Variants in GPHN observed in about 807,000 individuals in gnomAD.
The protein encoded by GPHN is gephyrin.
Under a neutral mutation model 95.5 loss-of-function variants are expected in GPHN, and 17 were observed. The ratio of observed to expected loss-of-function variants is 0.18; its 90% CI spans 0.12 to 0.27. The LOEUF (loss-of-function observed/expected upper bound fraction) is 0.27. Ranked by LOEUF, GPHN falls within the 10% of genes least tolerant of loss-of-function variation. The probability of loss-of-function intolerance (pLI) is 1.00; values close to 1 mark genes in which losing one functional copy is unlikely to be tolerated. For synonymous variants in GPHN, 320 were observed against 322.5 expected (o/e 0.99, Z 0.08); for missense variants, 660 against 978.1 (o/e 0.67, Z 4.34).
chr14:67,665,725 C>T, the GPHN span, among the ~76,000 whole-genome samples: 1 of 152,164 alleles, frequency 6.6e-6, no homozygotes, highest in East Asian at 1.9e-4. Context: ...GTGGCTACTG[C>T]CTGAAAGGGC....
chr14:67,050,396 C>T (rs1017517758), intron 10 of GPHN, among the ~76,000 whole-genome samples: 2 of 152,072 alleles, frequency 1.3e-5, no homozygotes, highest in African/African-American at 2.4e-5. Context: ...TTAAATACCC[C>T]AAGTATTTAC....
At chr14:67,670,408 C>G in the GPHN span, among the ~76,000 whole-genome samples, 3 of 152,084 alleles carry the variant, frequency 2.0e-5, no homozygotes, top group Admixed American at 6.6e-5. Context: ...GTTGCCTCTT[C>G]GCATTTCCCA....
chr14:67,645,751 A>G, the GPHN span: 1 of 1,614,052 alleles, frequency 6.2e-7, no homozygotes, highest in Non-Finnish European at 8.5e-7. Flanking sequence ...CTTCATCAGG[A>G]AATCTCCATG....
chr14:66,632,561 C>T lies in GPHN; in HGVS notation c.65-48546C>T, dbSNP rs1043635914. ...CAGGCAGAGTGCAGTGGTGTGCTCT[C>T]GGCTCACTGCAACCTCCTCCTCCCA... On this transcript the variant is annotated intron_variant, in intron 1 of 22. Transcript: ENST00000478722. Among the ~76,000 whole-genome samples, 18 of 146,702 alleles carry T rather than the reference C, an allele frequency of 1.2e-4. No individual in the cohort carries two copies. The South Asian group carries it at 3.2e-3, about 26-fold the overall frequency.
the GPHN span, chr14:67,200,049 G>A: frequency 1.1e-6 from 1 of 937,042 alleles, no homozygotes; most frequent in Non-Finnish European, 1.6e-6. Context: ...CAGGCTCTGG[G>A]GGACAGCCAC....
At chr14:66,523,489 A>G (rs1381629801) in intron 1 of GPHN, among the ~76,000 whole-genome samples, 3 of 152,150 alleles carry the variant, frequency 2.0e-5, no homozygotes, top group African/African-American at 7.2e-5. Context: ...AAGCTGTTGT[A>G]AAATAAGACA....
chr14:67,550,280 C>T, the GPHN span, among the ~76,000 whole-genome samples: 2 of 152,266 alleles, frequency 1.3e-5, no homozygotes, highest in East Asian at 1.9e-4. Flanking sequence ...CCTCTGCCCC[C>T]GAGGCTCAAG....
the GPHN span, among the ~76,000 whole-genome samples, chr14:67,380,464 A>G: frequency 6.6e-6 from 1 of 152,150 alleles, no homozygotes; most frequent in African/African-American, 2.4e-5. Context: ...TAAAATTTTG[A>G]TTTCACTAAT....
intron 11 of GPHN, among the ~76,000 whole-genome samples, chr14:67,070,378 C>G (rs2076239489): frequency 6.8e-6 from 1 of 147,134 alleles, no homozygotes; most frequent in South Asian, 2.1e-4. Context: ...CAACTTGTAA[C>G]TAATCATGGT....
At chr14:67,223,307 G>A in the GPHN span, among the ~76,000 whole-genome samples, 12 of 152,122 alleles carry the variant, frequency 7.9e-5, no homozygotes, top group South Asian at 2.1e-4. Flanking sequence ...GCCCCCATTG[G>A]GCTTTAGTGT....
At chr14:67,704,154 T>G in the GPHN span, among the ~76,000 whole-genome samples, 4 of 152,236 alleles carry the variant, frequency 2.6e-5, no homozygotes, top group South Asian at 8.3e-4. Flanking sequence ...GAAGGAAATG[T>G]GTGTATTGTG....
intron 4 of GPHN, among the ~76,000 whole-genome samples, chr14:66,838,754 G>A (rs1258114483): frequency 6.6e-6 from 1 of 152,092 alleles, no homozygotes; most frequent in African/African-American, 2.4e-5. Context: ...TTCTCTCTCT[G>A]TGTATTAGGT....
intron 8 of GPHN, among the ~76,000 whole-genome samples, chr14:66,940,034 C>T (rs1423308490): frequency 6.6e-6 from 1 of 152,162 alleles, no homozygotes; most frequent in Non-Finnish European, 1.5e-5. Flanking sequence ...AAAGCTTGAC[C>T]GGTAAGAAAA....
the GPHN span, chr14:67,312,696 C>G: frequency 6.2e-7 from 1 of 1,607,900 alleles, no homozygotes; most frequent in Non-Finnish European, 8.5e-7. Context: ...CAACCTCTAG[C>G]CGGGCTTGTT....
At chr14:66,965,476 G>A in intron 9 of GPHN, 151 bp downstream of exon 9, 1 of 747,032 alleles carries the variant, frequency 1.3e-6, no homozygotes, top group Non-Finnish European at 2.3e-6. Context: ...CACCCATTGT[G>A]TCACAAATTG....
the GPHN span, chr14:67,228,494 G>A: frequency 6.1e-6 from 1 of 164,722 alleles, no homozygotes; most frequent in African/African-American, 2.4e-5. Context: ...AGTGCAAGAG[G>A]AAAACCAAGC....
chr14:67,130,755 C>T (rs937940156), intron 17 of GPHN, among the ~76,000 whole-genome samples: 27 of 152,164 alleles, frequency 1.8e-4, no homozygotes, highest in Non-Finnish European at 4.0e-4. Flanking sequence ...TCTGCAGCCT[C>T]ACCAAGATCT....
chr14:66,836,935 C>T (rs891065162), intron 4 of GPHN, among the ~76,000 whole-genome samples: 1 of 148,002 alleles, frequency 6.8e-6, no homozygotes, highest in African/African-American at 2.5e-5. Flanking sequence ...ATTAAAAAGT[C>T]AGGAAACAAC....
chr14:66,931,369 T>C (rs533038675), intron 8 of GPHN, among the ~76,000 whole-genome samples: 3 of 152,298 alleles, frequency 2.0e-5, no homozygotes, highest in African/African-American at 7.2e-5. Flanking sequence ...GTAGCCTTCG[T>C]GTACTTGAAT....
Sources: gnomAD v4.1 joint callset for allele counts (sites outside exome capture counted in the v4.1 genomes callset) on GRCh38, gnomAD v4.1.1 for gene constraint, MANE v1.5 for transcripts, NCBI Gene and HGNC (gene_info 2026-07-23, HGNC 2026-07-21) for gene names.